The following SAMD3 variants were observed in gnomAD, a reference collection of about 807,000 sequenced individuals.
SAMD3 encodes the protein sterile alpha motif domain containing 3.
SAMD3 carries 63 observed loss-of-function variants against 58.5 expected under a neutral mutation model. The ratio of observed to expected loss-of-function variants is 1.08; its 90% CI spans 0.88 to 1.33. The LOEUF (loss-of-function observed/expected upper bound fraction) is 1.33, where lower values mean the gene tolerates loss of function less well. SAMD3 is among the 40% of genes most tolerant of loss of function. SAMD3 has a pLI of 0.00. For missense variants in SAMD3, 604 were observed against 608.4 expected, an observed-to-expected ratio of 0.99 and a Z score of 0.08; for synonymous variants, 220 against 210.3, an observed-to-expected ratio of 1.05 and a Z score of -0.40.
intron 1 of SAMD3, among the ~76,000 whole-genome samples, chr6:130,317,882 G>A (rs1246983618): frequency 1.3e-5 from 2 of 152,208 alleles, no homozygotes; most frequent in Middle Eastern, 3.2e-3. Context: ...TCAGAGTAAG[G>A]AGATTCTCAG....
At chr6:130,267,593 C>T (rs1022576948) in intron 2 of SAMD3, among the ~76,000 whole-genome samples, 14 of 152,190 alleles carry the variant, frequency 9.2e-5, no homozygotes, top group South Asian at 4.1e-4. Context: ...GCAGGTAGCC[C>T]GGCACCTAGG....
chr6:130,225,864 C>T (rs923955922), upstream of SAMD3, among the ~76,000 whole-genome samples: 1 of 152,202 alleles, frequency 6.6e-6, no homozygotes, highest in African/African-American at 2.4e-5. Flanking sequence ...TGCCTGGGCA[C>T]CTATTCCTGG....
At chr6:130,335,853 T>C (rs908885020) in intron 1 of SAMD3, among the ~76,000 whole-genome samples, 3 of 152,050 alleles carry the variant, frequency 2.0e-5, no homozygotes, top group African/African-American at 7.3e-5. Context: ...GATGAGTTCA[T>C]GTCCTTTGTA....
chr6:130,217,890 G>T (rs1219266755), intron 1 of SAMD3, among the ~76,000 whole-genome samples: 1 of 152,164 alleles, frequency 6.6e-6, no homozygotes, highest in Admixed American at 6.5e-5. Context: ...CTGAGAAAAA[G>T]TATCTCCTAC....
chr6:130,165,529 T>C (rs1190261472), intron 8 of SAMD3, among the ~76,000 whole-genome samples: 1 of 152,100 alleles, frequency 6.6e-6, no homozygotes, highest in African/African-American at 2.4e-5. Flanking sequence ...TTAGAGTGAA[T>C]TTACCCCATA....
chr6:130,273,146 C>G (rs1774628054), intron 2 of SAMD3, among the ~76,000 whole-genome samples: 2 of 151,646 alleles, frequency 1.3e-5, no homozygotes, highest in Non-Finnish European at 2.9e-5. Context: ...TTGCTCATTT[C>G]TCTTTTTAGT....
chr6:130,267,428 C>T (rs180896134), intron 2 of SAMD3, among the ~76,000 whole-genome samples: 25 of 152,248 alleles, frequency 1.6e-4, no homozygotes, highest in African/African-American at 5.8e-4. Context: ...CAATCTATTG[C>T]ACAGGAAGAC....
At chr6:130,166,994 T>C (rs996049890) in intron 8 of SAMD3, among the ~76,000 whole-genome samples, 6 of 152,086 alleles carry the variant, frequency 3.9e-5, no homozygotes, top group Non-Finnish European at 8.8e-5. Context: ...TCAGTTCCAC[T>C]TCTGGATGTG....
chr6:130,189,924 C>A (rs887923160), intron 5 of SAMD3, among the ~76,000 whole-genome samples: 1 of 152,212 alleles, frequency 6.6e-6, no homozygotes, highest in Non-Finnish European at 1.5e-5. Flanking sequence ...GGCCTGAAGG[C>A]AGGCCTCATG....
At chr6:130,208,833 A>G (rs976095755) in intron 5 of SAMD3, among the ~76,000 whole-genome samples, 4 of 152,204 alleles carry the variant, frequency 2.6e-5, no homozygotes, top group Non-Finnish European at 5.9e-5. Context: ...GTCCTTGGAA[A>G]AATTGTCTTC....
chr6:130,226,929 A>T (rs1796395940), upstream of SAMD3, among the ~76,000 whole-genome samples: 1 of 152,246 alleles, frequency 6.6e-6, no homozygotes, highest in African/African-American at 2.4e-5. Flanking sequence ...CAGTAATCTG[A>T]TATTTTTTAC....
intron 1 of SAMD3, among the ~76,000 whole-genome samples, chr6:130,354,378 T>C (rs1777765607): frequency 6.6e-6 from 1 of 152,246 alleles, no homozygotes. Context: ...TTCATGCATA[T>C]GTTCACTGCA....
chr6:130,307,495 A>G (rs1191414715), intron 2 of SAMD3, among the ~76,000 whole-genome samples: 2 of 152,226 alleles, frequency 1.3e-5, no homozygotes, highest in Non-Finnish European at 2.9e-5. Context: ...TTATTCAAAT[A>G]TTCTTTAAGA....
intron 8 of SAMD3, among the ~76,000 whole-genome samples, chr6:130,163,930 G>C (rs1790490910): frequency 6.6e-6 from 1 of 152,020 alleles, no homozygotes; most frequent in South Asian, 2.1e-4. Context: ...TACCCAATAA[G>C]TAGGAAAAGA....
At chr6:130,202,603 G>A (rs757509590) in intron 5 of SAMD3, among the ~76,000 whole-genome samples, 3 of 152,172 alleles carry the variant, frequency 2.0e-5, no homozygotes, top group Non-Finnish European at 4.4e-5. Flanking sequence ...TTGTTGTAAT[G>A]TTAATAGATG....
intron 8 of SAMD3, among the ~76,000 whole-genome samples, chr6:130,167,534 C>T (rs1282726007): frequency 2.0e-5 from 3 of 152,192 alleles, no homozygotes; most frequent in Non-Finnish European, 4.4e-5. Context: ...TTAAATCCAA[C>T]ATTTTCATTA....
At chr6:130,187,412 A>G (rs7760764) in intron 5 of SAMD3, among the ~76,000 whole-genome samples, 70,072 of 151,772 alleles carry the variant, frequency 0.46, 17,522 homozygotes, top group African/African-American at 0.64. Context: ...GGAGACAGAT[A>G]CTCCATCTTG....
In SAMD3 at chr6:130,261,095, TTTTG is replaced by T. The variant is rs1206154741; in HGVS notation, c.-187-38286_-187-38283del. ...GCCTTTATTGGCACTTTGGTTTTGG[TTTTG>T]GTTTTGACTTGGTTTGAATTGCTTG... On this transcript the variant is annotated intron_variant, in intron 2 of 13. Transcript: ENST00000368134. Among the ~76,000 whole-genome samples the T allele has an allele frequency of 5.2e-3, 785 of 151,754 alleles. 7 individuals are homozygous for T. Among genetic ancestry groups the T allele is most frequent in the African/African-American group, 0.018 (757 of 41,312 alleles).
chr6:130,251,437 A>G (rs909410187), intron 2 of SAMD3, among the ~76,000 whole-genome samples: 6 of 152,244 alleles, frequency 3.9e-5, no homozygotes, highest in South Asian at 2.1e-4. Flanking sequence ...TTGGTGTCAT[A>G]TTGAAGAAAC....
Sources: allele counts gnomAD v4.1 joint callset (sites outside exome capture counted in the v4.1 genomes callset), GRCh38; gene constraint gnomAD v4.1.1; transcripts MANE v1.5; gene names NCBI Gene and HGNC (gene_info 2026-07-23, HGNC 2026-07-21).